Variants in NFYB observed in about 807,000 individuals in gnomAD.
NFYB encodes CAAT box DNA-binding protein subunit B.
A neutral mutation model predicts 28.0 loss-of-function variants in NFYB; 13 were observed. The observed-to-expected ratio is 0.46, with a 90% CI of 0.30 to 0.74. NFYB has a LOEUF of 0.74. Among genes scored for constraint, NFYB ranks in the 30% least tolerant of loss-of-function variants. NFYB has a pLI of 0.07. For synonymous variants in NFYB, 74 were observed against 75.0 expected (o/e 0.99, Z 0.07); for missense variants, 142 against 247.6 (o/e 0.57, Z 2.86).
chr12:104,127,774 T>C (rs7315351), intron 3 of NFYB, among the ~76,000 whole-genome samples: 36,329 of 149,216 alleles, frequency 0.24, 4,649 homozygotes, highest in East Asian at 0.42. Flanking sequence ...CCTCCCAGAT[T>C]CAAGCAATCC....
chr12:104,134,905 T>A (rs2031049119), intron 2 of NFYB, among the ~76,000 whole-genome samples: 1 of 152,122 alleles, frequency 6.6e-6, no homozygotes, highest in African/African-American at 2.4e-5. Flanking sequence ...ACAAGTGCTT[T>A]CTCTTTCCTA....
intron 2 of NFYB, chr12:104,131,297 A>T (rs2030913779): frequency 6.4e-6 from 1 of 156,196 alleles, no homozygotes; most frequent in Admixed American, 6.4e-5. Flanking sequence ...CAGACATTCG[A>T]TCTCATCCTC....
rs781598163 is a variant in NFYB, at chr12:104,120,366, A to AT, written c.591+33dup. On this transcript the variant is annotated intron_variant, in intron 7 of 7. Transcript: ENST00000240055. Reference sequence around the variant, plus strand: ...CATGGGGCCCTGTCGATACAATCAAATTTTTTAAGCATTTAAAATACAAAG... The same window carrying AT: ...CATGGGGCCCTGTCGATACAATCAAATTTTTTTAAGCATTTAAAATACAAAG... The AT allele has an allele frequency of 1.8e-5, 29 of 1,574,992 alleles. 1 individual carries two copies. In the South Asian group the frequency reaches 3.2e-4, roughly 18 times the overall value.
At chr12:104,128,835 T>G (rs2030820460) in intron 2 of NFYB, among the ~76,000 whole-genome samples, 1 of 151,936 alleles carries the variant, frequency 6.6e-6, no homozygotes, top group South Asian at 2.1e-4. Context: ...CTGGCCAATT[T>G]TTTTGTATTT....
At chr12:104,136,725 T>C (rs2031114495) in intron 1 of NFYB, among the ~76,000 whole-genome samples, 1 of 152,178 alleles carries the variant, frequency 6.6e-6, no homozygotes, top group Admixed American at 6.5e-5. Flanking sequence ...TCAGTATATA[T>C]TTAGACTCAG....
chr12:104,137,390 C>A (rs2031141791), intron 1 of NFYB: 1 of 152,270 alleles, frequency 6.6e-6, no homozygotes, highest in South Asian at 2.1e-4. Context: ...GGGGCAAGTA[C>A]AGGGACCGCA....
At chr12:104,130,170 A>G (rs184533239) in intron 2 of NFYB, among the ~76,000 whole-genome samples, 1 of 152,364 alleles carries the variant, frequency 6.6e-6, no homozygotes, top group Admixed American at 6.5e-5. Flanking sequence ...CTGAATAAAA[A>G]GTATAGCAAA....
intron 2 of NFYB, 30 bp downstream of exon 2, chr12:104,135,417 AT>A: frequency 6.4e-7 from 1 of 1,574,788 alleles, no homozygotes; most frequent in Non-Finnish European, 8.6e-7. Context: ...TTCAAATCTA[AT>A]TAACAACCAA....
At chr12:104,137,145 G>A (rs912905843) in intron 1 of NFYB, among the ~76,000 whole-genome samples, 2 of 152,134 alleles carry the variant, frequency 1.3e-5, no homozygotes, top group African/African-American at 4.8e-5. Context: ...CACGAACCAC[G>A]CAACTATGGG....
At chr12:104,135,605 C>CT in intron 1 of NFYB, 73 bp from the exon 2 acceptor site, 1 of 541,052 alleles carries the variant, frequency 1.8e-6, no homozygotes, top group Non-Finnish European at 3.1e-6. Context: ...CACTTATAGG[C>CT]TTTTTTTCTC....
At chr12:104,120,297 C>T in intron 7 of NFYB, 103 bp downstream of exon 7, 3 of 845,670 alleles carry the variant, frequency 3.5e-6, no homozygotes, top group Non-Finnish European at 3.8e-6. Flanking sequence ...TCAGGTGATC[C>T]ACCCACCTCG....
Position 104,119,590 on chromosome 12 carries a change from C to A in NFYB, c.*147G>T. 5.7e-6 allele frequency: 3 copies of A among 526,758 alleles called. No individual in the cohort carries two copies. In the South Asian group the frequency reaches 1.1e-4, roughly 19 times the overall value. 32.6% of individuals were successfully genotyped at this position (526,758 alleles called of 1,614,324 possible). On this transcript the variant is annotated 3_prime_UTR_variant, in exon 8 of 8. Transcript: ENST00000240055. ...AAGATTCTCAAGTCAGAATTAACAC[C>A]TCAATTAGTCAAGCATCAGGAAGCT...
At position 104,120,460 on chromosome 12, in the gene NFYB, G is replaced by A. The variant is rs780911757; in HGVS notation, c.531C>T (p.Gly177=). 6.2e-7 allele frequency: 1 copy of A among 1,613,820 alleles called. No homozygotes were observed. Residue 177 remains glycine, a synonymous_variant, in exon 7 of 8, where the codon GGC becomes GGT. Coordinates refer to ENST00000240055, the MANE Select transcript of NFYB (RefSeq NM_006166.4). ...GTTGTTGACCGTCTGTGGTTATTAA[G>A]CCAGCTGGTAACTGGTTAGCTAAAA... ...EEAFTNQLPA[G]LITTDGQQQN...
Position 104,129,747 on chromosome 12 carries a change from G to A in NFYB, c.7-1230C>T, listed in dbSNP as rs114329617. On this transcript the variant is annotated intron_variant, in intron 2 of 7. Coordinates refer to ENST00000240055, the MANE Select transcript of NFYB (RefSeq NM_006166.4). ...ACAAAAATTAAGAAATTAGCCAGGCGTTGTGGCATGTGCCTGTAGTCCTAA... is the reference window on the plus strand; with the variant it reads ...ACAAAAATTAAGAAATTAGCCAGGCATTGTGGCATGTGCCTGTAGTCCTAA... 3.3e-3 allele frequency among the ~76,000 whole-genome samples: 501 copies of A among 152,194 alleles called. 2 individuals carry two copies. Among genetic ancestry groups the A allele is most frequent in the African/African-American group, 0.012 (489 of 41,532 alleles).
chr12:104,123,387 C>T lies in NFYB; in HGVS notation c.268G>A (p.Val90Ile), dbSNP rs567317627. Residue 90 changes from valine to isoleucine, a missense_variant, in exon 5 of 8, where the codon GTA becomes ATA. Coordinates refer to ENST00000240055, the MANE Select transcript of NFYB (RefSeq NM_006166.4). The stretch of plus-strand genomic sequence containing the variant: ...GTTATAAAACTGATGAACTCACTTA[C>T]ACATTCTTGAACACATTCTTTGGCA... ...KDAKECVQEC[V>I]SEFISFITSE... 29 of 1,614,112 alleles carry T rather than the reference C, an allele frequency of 1.8e-5. No homozygotes were observed. The Admixed American group carries it at 2.8e-4, about 16-fold the overall frequency.
chr12:104,131,696 T>C (rs1482368751), intron 2 of NFYB: 4 of 455,184 alleles, frequency 8.8e-6, no homozygotes, highest in East Asian at 7.0e-5. Context: ...TAAAACAGAC[T>C]GTAGATTGTC....
chr12:104,137,860 G>T (rs1310635102), intron 1 of NFYB: 4 of 146,750 alleles, frequency 2.7e-5, no homozygotes, highest in Non-Finnish European at 3.0e-5. Context: ...GAGCTCAACG[G>T]CGGCGAGGGT....
intron 2 of NFYB, among the ~76,000 whole-genome samples, chr12:104,133,150 A>G (rs2030985309): frequency 6.6e-6 from 1 of 152,184 alleles, no homozygotes; most frequent in Non-Finnish European, 1.5e-5. Flanking sequence ...CATTTATTGA[A>G]CACTTTCTAA....
At chr12:104,127,123 C>T (rs920142522) in intron 3 of NFYB, among the ~76,000 whole-genome samples, 1 of 152,090 alleles carries the variant, frequency 6.6e-6, no homozygotes, top group African/African-American at 2.4e-5. Flanking sequence ...TTCATATGTA[C>T]TAAGTAAGGA....
Sources: allele counts gnomAD v4.1 joint callset (sites outside exome capture counted in the v4.1 genomes callset), GRCh38; gene constraint gnomAD v4.1.1; transcripts MANE v1.5; gene names NCBI Gene and HGNC (gene_info 2026-07-23, HGNC 2026-07-21).